Variants in CNTN1 observed in about 807,000 individuals in gnomAD.
CNTN1 encodes contactin-1.
Under a neutral mutation model 126.4 loss-of-function variants are expected in CNTN1, and 38 were observed. The ratio of observed to expected loss-of-function variants is 0.30; its 90% CI spans 0.23 to 0.39. The LOEUF (loss-of-function observed/expected upper bound fraction) is 0.39. Ranked by LOEUF, CNTN1 falls within the 10% of genes least tolerant of loss-of-function variation. The probability of loss-of-function intolerance (pLI) is 1.00; values close to 1 mark genes in which losing one functional copy is unlikely to be tolerated. For synonymous variants in CNTN1, 413 were observed against 422.6 expected (o/e 0.98, Z 0.28); for missense variants, 1,009 against 1,248.4 (o/e 0.81, Z 2.89).
At chr12:40,916,166 A>C (rs1316342402) in intron 3 of CNTN1, among the ~76,000 whole-genome samples, 1 of 152,124 alleles carries the variant, frequency 6.6e-6, no homozygotes, top group East Asian at 1.9e-4. Flanking sequence ...TTCACACTAA[A>C]GTCATTATTT....
chr12:40,894,107 G>C (rs1418909418), intron 1 of CNTN1, among the ~76,000 whole-genome samples: 5 of 151,854 alleles, frequency 3.3e-5, no homozygotes, highest in Non-Finnish European at 7.4e-5. Context: ...TCTTTCACTG[G>C]TTCATACCCT....
intron 15 of CNTN1, among the ~76,000 whole-genome samples, chr12:40,979,993 A>G (rs767175451): frequency 2.6e-5 from 4 of 152,124 alleles, no homozygotes; most frequent in Admixed American, 6.6e-5. Context: ...TATTTTCTAT[A>G]TATTATATAA....
intron 6 of CNTN1, among the ~76,000 whole-genome samples, chr12:40,927,858 G>C (rs1437529811): frequency 2.0e-5 from 3 of 152,056 alleles, no homozygotes; most frequent in African/African-American, 7.2e-5. Context: ...CTCGGATTTA[G>C]CATTTATCCC....
intron 1 of CNTN1, among the ~76,000 whole-genome samples, chr12:40,785,371 G>A (rs114290681): frequency 0.015 from 2,356 of 152,204 alleles, 60 homozygotes; most frequent in African/African-American, 0.054. Flanking sequence ...CACGTCACGT[G>A]GCAAGGAAGG....
chr12:40,842,224 C>A lies in CNTN1; in HGVS notation c.-76-66133C>A, dbSNP rs533497291. Reference sequence around the variant, plus strand: ...ACCCTGCTGAAATATCAGTGAGTATCTTGATGAACAAGTTTTCAATAAATT... The same window carrying A: ...ACCCTGCTGAAATATCAGTGAGTATATTGATGAACAAGTTTTCAATAAATT... On this transcript the variant is annotated intron_variant, in intron 1 of 23. Transcript: ENST00000551295. 7.9e-5 allele frequency among the ~76,000 whole-genome samples: 12 copies of A among 152,028 alleles called. 1 individual carries two copies. The South Asian group carries it at 2.5e-3, about 32-fold the overall frequency.
At chr12:40,735,755 A>G (rs1322560176) in intron 1 of CNTN1, among the ~76,000 whole-genome samples, 1 of 152,158 alleles carries the variant, frequency 6.6e-6, no homozygotes, top group Non-Finnish European at 1.5e-5. Context: ...GGGCATATGC[A>G]GTTACATATC....
At chr12:41,015,566 A>T (rs542797132) in intron 18 of CNTN1, among the ~76,000 whole-genome samples, 1 of 152,166 alleles carries the variant, frequency 6.6e-6, no homozygotes, top group Non-Finnish European at 1.5e-5. Context: ...CTAAAATCAC[A>T]TACCTATTAA....
In CNTN1 at chr12:40,949,418, A is replaced by ACCC. The variant is rs538536696; in HGVS notation, c.1683+5253_1683+5255dup. Among the ~76,000 whole-genome samples, 686 of 83,104 alleles carry ACCC rather than the reference A, an allele frequency of 8.3e-3. 4 individuals are homozygous for ACCC. The highest frequency in any genetic ancestry group is 0.011 in the African/African-American group (227 of 21,390). The allele number at this position is 83,104 out of a possible 152,430, so 54.5% of individuals were successfully genotyped here. A position where few individuals can be genotyped will look rare whatever the true frequency, so the allele number is the denominator to read the frequency against. ...AGGTATATCTCCCGATGCTATCCCT[A>ACCC]CCCCCCCTCCCCCCACCCCACAACA... is the stretch of plus-strand genomic sequence containing the variant. On this transcript the variant is annotated intron_variant, in intron 14 of 23. Transcript: ENST00000551295.
chr12:40,748,679 CA>C (rs1169309540), intron 1 of CNTN1, among the ~76,000 whole-genome samples: 1 of 151,992 alleles, frequency 6.6e-6, no homozygotes, highest in East Asian at 1.9e-4. Flanking sequence ...CATTTAATCA[CA>C]AAAAGTAATG....
chr12:41,003,574 C>G (rs1566122769), intron 17 of CNTN1, among the ~76,000 whole-genome samples: 1 of 135,694 alleles, frequency 7.4e-6, no homozygotes. Context: ...CTATCTGGTC[C>G]TGGGCTTTTT....
At chr12:40,746,274 G>A (rs575726364) in intron 1 of CNTN1, among the ~76,000 whole-genome samples, 1 of 151,948 alleles carries the variant, frequency 6.6e-6, no homozygotes, top group Non-Finnish European at 1.5e-5. Context: ...AATAATCTTG[G>A]CTATTCCAAT....
At chr12:40,958,145 T>C (rs965245728) in intron 14 of CNTN1, among the ~76,000 whole-genome samples, 15 of 152,084 alleles carry the variant, frequency 9.9e-5, no homozygotes, top group African/African-American at 3.6e-4. Context: ...AACTTTGACA[T>C]GCTCCTGCTA....
intron 1 of CNTN1, among the ~76,000 whole-genome samples, chr12:40,697,952 A>C (rs1277521617): frequency 1.3e-5 from 2 of 152,218 alleles, no homozygotes; most frequent in Non-Finnish European, 2.9e-5. Context: ...CAGGCACTAA[A>C]TCTGCTTCTG....
At chr12:40,808,110 A>G (rs979024195) in intron 1 of CNTN1, among the ~76,000 whole-genome samples, 3 of 152,204 alleles carry the variant, frequency 2.0e-5, no homozygotes, top group African/African-American at 7.2e-5. Context: ...AGATTCAGTC[A>G]TTGTTCAGTT....
At chr12:41,040,280 T>C in intron 23 of CNTN1, among the ~76,000 whole-genome samples, 1 of 152,148 alleles carries the variant, frequency 6.6e-6, no homozygotes, top group Admixed American at 6.6e-5. Flanking sequence ...GATTCATGGC[T>C]GGTCTGTGAT....
intron 1 of CNTN1, among the ~76,000 whole-genome samples, chr12:40,761,929 T>C (rs1254785565): frequency 6.6e-6 from 1 of 152,062 alleles, no homozygotes; most frequent in East Asian, 1.9e-4. Flanking sequence ...ACTTTTACAA[T>C]ACAATCCTAA....
chr12:40,919,743 A>G (rs926941642), intron 4 of CNTN1, among the ~76,000 whole-genome samples: 3 of 152,308 alleles, frequency 2.0e-5, no homozygotes, highest in African/African-American at 7.2e-5. Flanking sequence ...TAAAATTGTG[A>G]ATTTAGATAC....
chr12:40,891,600 C>G (rs752068759), intron 1 of CNTN1, among the ~76,000 whole-genome samples: 10 of 151,876 alleles, frequency 6.6e-5, no homozygotes, highest in Non-Finnish European at 1.5e-5. Context: ...TTTGTTGTTG[C>G]GCATGGATGT....
chr12:40,871,938 T>G (rs1027336137), intron 1 of CNTN1, among the ~76,000 whole-genome samples: 1 of 152,152 alleles, frequency 6.6e-6, no homozygotes, highest in African/African-American at 2.4e-5. Flanking sequence ...TATTTCTATT[T>G]TCCTAAAATG....
Sources: gnomAD v4.1 joint callset for allele counts (sites outside exome capture counted in the v4.1 genomes callset) on GRCh38, gnomAD v4.1.1 for gene constraint, MANE v1.5 for transcripts, NCBI Gene and HGNC (gene_info 2026-07-23, HGNC 2026-07-21) for gene names.